The following MROH2B variants were observed in gnomAD, a reference collection of about 807,000 sequenced individuals.
The protein encoded by MROH2B is maestro heat-like repeat-containing protein family member 2B.
Under a neutral mutation model 208.6 loss-of-function variants are expected in MROH2B, and 177 were observed. The observed-to-expected ratio is 0.85, with a 90% CI of 0.75 to 0.96. MROH2B has a LOEUF of 0.96. Among genes scored for constraint, MROH2B ranks in the 40% least tolerant of loss-of-function variants. The pLI is 0.00. For synonymous variants in MROH2B, 728 were observed against 659.0 expected (o/e 1.10, Z -1.60); for missense variants, 2,002 against 1,878.7 (o/e 1.07, Z -1.21).
intron 7 of MROH2B, 104 bp from the exon 8 acceptor site, chr5:41,057,464 A>C: frequency 1.3e-6 from 1 of 787,544 alleles, no homozygotes; most frequent in Non-Finnish European, 2.0e-6. Context: ...CAAGCTTCTC[A>C]TCTTCCTGCA....
At chr5:41,054,696 C>T in intron 11 of MROH2B, 71 bp downstream of exon 11, 1 of 1,233,884 alleles carries the variant, frequency 8.1e-7, no homozygotes, top group Non-Finnish European at 1.1e-6. Context: ...TAAGTAGATC[C>T]TTAAAGAATC....
chr5:41,016,571 C>T (rs1008980959), intron 28 of MROH2B, among the ~76,000 whole-genome samples: 1 of 119,816 alleles, frequency 8.3e-6, no homozygotes, highest in Non-Finnish European at 1.6e-5. Flanking sequence ...CTCTGCCTTC[C>T]AGGTTCAAGT....
At chr5:41,062,572 T>C (rs1376348207) in intron 5 of MROH2B, among the ~76,000 whole-genome samples, 2 of 152,234 alleles carry the variant, frequency 1.3e-5, no homozygotes, top group African/African-American at 4.8e-5. Flanking sequence ...CGAATCCATA[T>C]ATATTTGCAT....
rs375498685 is a variant in MROH2B at position 41,064,574 on chromosome 5, G to C, written c.362-4C>G. 1.1e-4 allele frequency: 177 copies of C among 1,608,024 alleles called. No individual in the cohort carries two copies. The African/African-American group carries it at 2.2e-3, about 20-fold the overall frequency. ...ATGAAAGGAATACTCTGGGACACTGGAGGGAGAGGCAGAAAGGAGACAAGT... is the reference window on the plus strand; with the variant it reads ...ATGAAAGGAATACTCTGGGACACTGCAGGGAGAGGCAGAAAGGAGACAAGT... On this transcript the variant is annotated splice_polypyrimidine_tract_variant and splice_region_variant and intron_variant, in intron 4 of 41. Coordinates refer to ENST00000399564, the MANE Select transcript of MROH2B (RefSeq NM_173489.5).
chr5:41,060,242 T>C (rs1285869026), intron 6 of MROH2B, among the ~76,000 whole-genome samples: 3 of 152,212 alleles, frequency 2.0e-5, no homozygotes, highest in African/African-American at 7.2e-5. Context: ...AGCTGGAATA[T>C]TTCTATAGCC....
intron 24 of MROH2B, among the ~76,000 whole-genome samples, chr5:41,031,730 C>CTATATTTTTTCAACT (rs1742577792): frequency 6.6e-6 from 1 of 152,000 alleles, no homozygotes; most frequent in African/African-American, 2.4e-5. Context: ...AATTCTCACC[C>CTATATTTTTTCAACT]TCCTCCCAAC....
At chr5:41,009,715 T>C (rs1224629394) in intron 31 of MROH2B, among the ~76,000 whole-genome samples, 4 of 152,200 alleles carry the variant, frequency 2.6e-5, no homozygotes, top group Admixed American at 2.6e-4. Context: ...GTTAAAAATA[T>C]TATTATGCAA....
chr5:41,049,168 T>C, intron 14 of MROH2B, 27 bp from the exon 15 acceptor site: 1 of 1,602,954 alleles, frequency 6.2e-7, no homozygotes, highest in East Asian at 2.2e-5. Flanking sequence ...ATTTTCATCA[T>C]CACTGCAGGG....
rs761659700 is a variant in MROH2B, at chr5:41,052,501, A to G, written c.1194T>C (p.Tyr398=). Residue 398 remains tyrosine (Y), a synonymous_variant, in exon 12 of 42, where the codon TAT becomes TAC. Coordinates refer to ENST00000399564, the MANE Select transcript of MROH2B (RefSeq NM_173489.5). Reference sequence around the variant, plus strand: ...TCAACGTTGCAAACTGGGAGAAGACATAATCAATCAATGGCCATCCTTCCC... The same window carrying G: ...TCAACGTTGCAAACTGGGAGAAGACGTAATCAATCAATGGCCATCCTTCCC... The part of the protein sequence containing the change: ...EAREGWPLID[Y]VFSQFATLNR... 1 of 1,613,168 alleles carries G rather than the reference A, an allele frequency of 6.2e-7. No homozygotes were observed. Among genetic ancestry groups the G allele is most frequent in the Non-Finnish European group, 8.5e-7 (1 of 1,179,394 alleles).
At position 41,017,845 on chromosome 5, in the gene MROH2B, C is replaced by T. The variant is rs2111867139; in HGVS notation, c.2884+5G>A. The stretch of plus-strand genomic sequence containing the variant: ...TCATTTGTGGGTTCCCCATCTTTCC[C>T]TCACCTTTTATATAGAACAGACCAA... On this transcript the variant is annotated splice_donor_5th_base_variant and intron_variant, in intron 28 of 41. Transcript: ENST00000399564. The T allele has an allele frequency of 6.3e-7, 1 of 1,580,040 alleles. No homozygotes were observed. Among genetic ancestry groups the T allele is most frequent in the Non-Finnish European group, 8.6e-7 (1 of 1,165,054 alleles).
chr5:41,007,852 G>A (rs1406761075), intron 33 of MROH2B, among the ~76,000 whole-genome samples: 3 of 152,200 alleles, frequency 2.0e-5, no homozygotes, highest in South Asian at 2.1e-4. Context: ...ACATTCACAT[G>A]TGCTGCCTGG....
At chr5:41,030,691 T>C in intron 24 of MROH2B, among the ~76,000 whole-genome samples, 1 of 151,792 alleles carries the variant, frequency 6.6e-6, no homozygotes, top group East Asian at 1.9e-4. Context: ...AAAGAACAAA[T>C]CTGGAGTCAC....
chr5:41,012,063 A>G (rs145898583), intron 30 of MROH2B, among the ~76,000 whole-genome samples: 134 of 152,322 alleles, frequency 8.8e-4, no homozygotes, highest in African/African-American at 3.0e-3. Context: ...CTCTTAACCA[A>G]GCTTCCTGAA....
intron 24 of MROH2B, among the ~76,000 whole-genome samples, chr5:41,023,104 A>G (rs1742215721): frequency 6.6e-6 from 1 of 152,246 alleles, no homozygotes; most frequent in Non-Finnish European, 1.5e-5. Flanking sequence ...AAAATGGAGC[A>G]GAAAAGCTGA....
In MROH2B at chr5:41,010,114, G is replaced by T. The variant is rs368538105; in HGVS notation, c.3136-35C>A. 4 of 1,604,762 alleles carry T rather than the reference G, an allele frequency of 2.5e-6. No homozygotes were observed. The African/African-American group carries it at 5.4e-5, about 22-fold the overall frequency. ...AAAAAGCCAAGTCAAACATTAAGTT[G>T]CCATTTTCCCTCTATGTGAATGACT... On this transcript the variant is annotated intron_variant, in intron 30 of 41. Coordinates refer to ENST00000399564, the MANE Select transcript of MROH2B (RefSeq NM_173489.5).
chr5:41,024,871 AT>A (rs1199268023), intron 24 of MROH2B, among the ~76,000 whole-genome samples: 3 of 152,236 alleles, frequency 2.0e-5, no homozygotes, highest in Non-Finnish European at 2.9e-5. Context: ...AGAACTCAGG[AT>A]TAAGAAACTC....
At chr5:41,024,217 C>A (rs768639094) in intron 24 of MROH2B, among the ~76,000 whole-genome samples, 3 of 152,120 alleles carry the variant, frequency 2.0e-5, no homozygotes, top group Non-Finnish European at 4.4e-5. Flanking sequence ...GATAAATACT[C>A]CAATTAAAAG....
At chr5:41,009,132 T>C (rs928832672) in intron 32 of MROH2B, 148 bp downstream of exon 32, 11 of 1,129,930 alleles carry the variant, frequency 9.7e-6, no homozygotes, top group Non-Finnish European at 1.2e-5. Flanking sequence ...CAGACAAAAG[T>C]AGAGCCACAA....
Position 41,048,424 on chromosome 5 carries a change from A to G in MROH2B, c.1584T>C (p.Ala528=), listed in dbSNP as rs201669549. The change falls in exon 16 of 42, where the codon GCT becomes GCC. Residue 528 remains alanine, a synonymous_variant. Transcript: ENST00000399564. ...GTATCTTCAAAAGCCCTATTGCACC[A>G]GCCCCACGTAACTCCCCTAAACTGG... ...MPASLGELRG[A]GAIGLLKILP... 5.0e-6 allele frequency: 8 copies of G among 1,613,590 alleles called. No homozygotes were observed. The highest frequency in any genetic ancestry group is 3.3e-5 in the Admixed American group (2 of 59,936).
Sources: gnomAD v4.1 joint callset for allele counts (sites outside exome capture counted in the v4.1 genomes callset) on GRCh38, gnomAD v4.1.1 for gene constraint, MANE v1.5 for transcripts, NCBI Gene and HGNC (gene_info 2026-07-23, HGNC 2026-07-21) for gene names.